AKR1C8: variants seen among roughly 807,000 people sequenced by gnomAD.
AKR1C8 encodes aldo-keto reductase family 1 member C-like protein 1.
the AKR1C8 span, chr10:5,161,845 C>G: frequency 1.9e-6 from 1 of 534,502 alleles, no homozygotes; most frequent in Non-Finnish European, 3.8e-6. Context: ...CAAGGAAAAA[C>G]AAAAGCTGAC....
chr10:5,154,313 G>A, the AKR1C8 span: 1 of 368,680 alleles, frequency 2.7e-6, no homozygotes, highest in South Asian at 2.3e-5. Flanking sequence ...CGGCACACAT[G>A]GTTTAATCTA....
the AKR1C8 span, among the ~76,000 whole-genome samples, chr10:5,180,204 C>T: frequency 6.6e-6 from 1 of 152,210 alleles, no homozygotes; most frequent in Non-Finnish European, 1.5e-5. Context: ...ACAGGACCCT[C>T]AGCTGCAGGT....
chr10:5,134,607 G>T, the AKR1C8 span, among the ~76,000 whole-genome samples: 1 of 152,082 alleles, frequency 6.6e-6, no homozygotes, highest in Admixed American at 6.6e-5. Context: ...GGTGAAAGTT[G>T]TACATGGGAA....
chr10:5,140,630 C>A, the AKR1C8 span, among the ~76,000 whole-genome samples: 13 of 151,422 alleles, frequency 8.6e-5, no homozygotes, highest in African/African-American at 2.7e-4. Context: ...GGAAACATCA[C>A]ACACCAGGAC....
chr10:5,166,566 G>A, the AKR1C8 span, among the ~76,000 whole-genome samples: 854 of 152,206 alleles, frequency 5.6e-3, 8 homozygotes, highest in African/African-American at 0.02. Flanking sequence ...AAATGATGCT[G>A]GGAAAAGTGG....
chr10:5,121,234 T>A, the AKR1C8 span, among the ~76,000 whole-genome samples: 2 of 152,154 alleles, frequency 1.3e-5, no homozygotes, highest in African/African-American at 4.8e-5. Flanking sequence ...GTTAATCCAA[T>A]GGAACGTCAT....
chr10:5,116,710 G>A, the AKR1C8 span, among the ~76,000 whole-genome samples: 3 of 152,298 alleles, frequency 2.0e-5, no homozygotes, highest in Middle Eastern at 3.4e-3. Context: ...ACTGCTTGAA[G>A]TTCTGCCCAC....
chr10:5,166,599 A>T, the AKR1C8 span, among the ~76,000 whole-genome samples: 1 of 152,198 alleles, frequency 6.6e-6, no homozygotes, highest in Admixed American at 6.5e-5. Flanking sequence ...AGAAAGCTGA[A>T]ACTGGATCCC....
At chr10:5,125,784 G>A in the AKR1C8 span, among the ~76,000 whole-genome samples, 1 of 152,186 alleles carries the variant, frequency 6.6e-6, no homozygotes, top group East Asian at 1.9e-4. Context: ...GAGAGCTGGT[G>A]CTGGTACCCA....
At chr10:5,166,191 GA>G in the AKR1C8 span, among the ~76,000 whole-genome samples, 2 of 151,126 alleles carry the variant, frequency 1.3e-5, no homozygotes, top group Middle Eastern at 3.2e-3. Context: ...AGACTCTGAA[GA>G]AAAAAAATGG....
chr10:5,153,031 G>T, the AKR1C8 span, among the ~76,000 whole-genome samples: 14 of 152,098 alleles, frequency 9.2e-5, no homozygotes, highest in African/African-American at 2.9e-4. Flanking sequence ...AGCAATGTTA[G>T]AGATCTTGCA....
chr10:5,117,110 A>G, the AKR1C8 span, among the ~76,000 whole-genome samples: 1 of 146,014 alleles, frequency 6.8e-6, no homozygotes, highest in East Asian at 1.9e-4. Context: ...ATGTAAAATT[A>G]AATGAGCACT....
the AKR1C8 span, chr10:5,157,859 G>A: frequency 2.9e-5 from 12 of 407,800 alleles, no homozygotes; most frequent in African/African-American, 1.9e-4. Flanking sequence ...TCTACAGTGC[G>A]CTGCTCCTTT....
chr10:5,161,975 G>T, the AKR1C8 span: 4 of 516,574 alleles, frequency 7.7e-6, no homozygotes, highest in East Asian at 2.2e-4. Flanking sequence ...GCCCAAAGCT[G>T]CAGTGACCAA....
chr10:5,133,406 T>G, the AKR1C8 span, among the ~76,000 whole-genome samples: 38,267 of 152,006 alleles, frequency 0.25, 4,975 homozygotes, highest in Middle Eastern at 0.37. Flanking sequence ...TAATTATTTT[T>G]AATATAGTGA....
At chr10:5,171,046 A>C in the AKR1C8 span, among the ~76,000 whole-genome samples, 1 of 152,134 alleles carries the variant, frequency 6.6e-6, no homozygotes, top group African/African-American at 2.4e-5. Flanking sequence ...AAAATGTTAA[A>C]AAGATTAGCT....
chr10:5,156,094 G>A, the AKR1C8 span, among the ~76,000 whole-genome samples: 4 of 152,100 alleles, frequency 2.6e-5, no homozygotes, highest in Admixed American at 6.5e-5. Context: ...CAAAATAACT[G>A]CCACCTGGAC....
chr10:5,169,948 G>C, the AKR1C8 span, among the ~76,000 whole-genome samples: 1 of 151,956 alleles, frequency 6.6e-6, no homozygotes, highest in South Asian at 2.1e-4. Context: ...ACATTTTTGG[G>C]CTGTCAGGGG....
At chr10:5,160,476 T>C in the AKR1C8 span, among the ~76,000 whole-genome samples, 4 of 152,170 alleles carry the variant, frequency 2.6e-5, no homozygotes, top group Non-Finnish European at 5.9e-5. Context: ...TCCGCAGCTG[T>C]CCCTCCTCCA....
Sources: allele counts gnomAD v4.1 joint callset (sites outside exome capture counted in the v4.1 genomes callset), GRCh38; gene constraint gnomAD v4.1.1; transcripts MANE v1.5; gene names NCBI Gene and HGNC (gene_info 2026-07-23, HGNC 2026-07-21).